The following DPP6 variants were observed in gnomAD, a reference collection of about 807,000 sequenced individuals.
DPP6 encodes dipeptidyl peptidase like 6.
In DPP6, 69 loss-of-function variants were observed where a neutral mutation model predicts 122.6. That is an observed-to-expected ratio of 0.56 (90% confidence interval 0.46 to 0.69). The LOEUF is 0.69. Ranked by LOEUF, DPP6 falls within the 30% of genes least tolerant of loss-of-function variation. DPP6 has a pLI of 0.00. For missense variants in DPP6, 928 were observed against 1,116.9 expected (o/e 0.83, Z 2.41); for synonymous variants, 418 against 433.1 (o/e 0.97, Z 0.43).
intron 16 of DPP6, among the ~76,000 whole-genome samples, chr7:154,810,719 C>T (rs1799005770): frequency 6.6e-6 from 1 of 151,878 alleles, no homozygotes; most frequent in African/African-American, 2.4e-5. Flanking sequence ...TGACCCGGAC[C>T]CCAGGTACAG....
chr7:154,187,673 A>G (rs1798415734), intron 1 of DPP6, among the ~76,000 whole-genome samples: 1 of 152,216 alleles, frequency 6.6e-6, no homozygotes, highest in African/African-American at 2.4e-5. Context: ...AACAGGATGT[A>G]AGAAATCCTG....
At chr7:153,817,549 C>T in the DPP6 span, among the ~76,000 whole-genome samples, 15 of 151,872 alleles carry the variant, frequency 9.9e-5, no homozygotes, top group Admixed American at 2.6e-4. Context: ...CATTTAAAAA[C>T]GCTAGTTCAT....
intron 1 of DPP6, among the ~76,000 whole-genome samples, chr7:153,959,753 A>G (rs1040352236): frequency 1.3e-5 from 2 of 152,234 alleles, no homozygotes; most frequent in African/African-American, 4.8e-5. Context: ...CATGTCAGCA[A>G]TAAGGCTGTT....
At chr7:154,339,573 C>G (rs996625985) in intron 1 of DPP6, among the ~76,000 whole-genome samples, 8 of 152,178 alleles carry the variant, frequency 5.3e-5, no homozygotes, top group Admixed American at 5.2e-4. Context: ...ATTTGCCTAG[C>G]AATTCATAGG....
At chr7:153,808,361 ATGCCTGTATGTG>A in the DPP6 span, among the ~76,000 whole-genome samples, 2 of 144,376 alleles carry the variant, frequency 1.4e-5, no homozygotes, top group Admixed American at 1.4e-4. Context: ...GTGTGTGGGC[ATGCCTGTATGTG>A]TGCCTGTGTG....
In DPP6 at chr7:154,892,560, C is replaced by T; in HGVS notation, c.*80C>T. 1 of 1,556,738 alleles carries T rather than the reference C, an allele frequency of 6.4e-7. No individual in the cohort carries two copies. Among genetic ancestry groups the T allele is most frequent in the African/African-American group, 1.4e-5 (1 of 73,924 alleles). On this transcript the variant is annotated 3_prime_UTR_variant, in exon 26 of 26. Transcript: ENST00000377770. ...GGGATTTCCCTGCCCTCCCTCTTCC[C>T]TCGGAGGGGCGGGGCGGGGCGGGGC...
chr7:154,234,083 G>T (rs11981705), intron 1 of DPP6, among the ~76,000 whole-genome samples: 7,254 of 152,256 alleles, frequency 0.048, 573 homozygotes, highest in African/African-American at 0.16. Flanking sequence ...GTGGCTAGAA[G>T]ATGCCAAGTA....
chr7:154,866,600 C>T (rs563119776), intron 17 of DPP6, among the ~76,000 whole-genome samples: 1 of 152,348 alleles, frequency 6.6e-6, no homozygotes, highest in East Asian at 1.9e-4. Context: ...TGCTGGGACA[C>T]GTGTCCTGCA....
chr7:154,803,820 G>A (rs544406727), intron 13 of DPP6, 44 bp from the exon 14 acceptor site: 25 of 1,592,060 alleles, frequency 1.6e-5, no homozygotes, highest in East Asian at 2.3e-5. Context: ...TGCTGGGGCC[G>A]GGACACCGGT....
chr7:154,587,308 G>A (rs1832519298), intron 5 of DPP6: 1 of 322,112 alleles, frequency 3.1e-6, no homozygotes, highest in Admixed American at 4.6e-5. Context: ...AGCTAAATTG[G>A]GTGATCTGCC....
At chr7:154,358,808 C>A (rs1407534923) in intron 1 of DPP6, among the ~76,000 whole-genome samples, 1 of 152,146 alleles carries the variant, frequency 6.6e-6, no homozygotes, top group Non-Finnish European at 1.5e-5. Context: ...CAGGTTCAAG[C>A]AATTCTCCTG....
intron 1 of DPP6, among the ~76,000 whole-genome samples, chr7:154,211,976 C>A (rs1206157065): frequency 2.6e-5 from 2 of 77,120 alleles, no homozygotes; most frequent in Non-Finnish European, 8.4e-5. Flanking sequence ...GTCACAGCGC[C>A]CTGCCCCTTC....
chr7:154,552,681 G>A (rs1829722021), intron 4 of DPP6, among the ~76,000 whole-genome samples: 1 of 152,204 alleles, frequency 6.6e-6, no homozygotes, highest in African/African-American at 2.4e-5. Context: ...ATCAGCCCAG[G>A]AAGACACATC....
rs545105397 is a variant in DPP6 at position 154,284,853 on chromosome 7, TCAAAA to T, written c.244-161340_244-161336del. Among the ~76,000 whole-genome samples the T allele has an allele frequency of 5.1e-4, 78 of 152,230 alleles. No homozygotes were observed. In the South Asian group the frequency reaches 9.3e-3, roughly 18 times the overall value. ...CTGGGTGACAGAGCGAGACTTCATCTCAAAACAAAACAAAACAAAACAAAAACATT... is the reference window on the plus strand; with the variant it reads ...CTGGGTGACAGAGCGAGACTTCATCTCAAAACAAAACAAAACAAAAACATT... On this transcript the variant is annotated intron_variant, in intron 1 of 25. Transcript: ENST00000377770.
chr7:154,307,548 C>T (rs946203753), intron 1 of DPP6, among the ~76,000 whole-genome samples: 6 of 151,528 alleles, frequency 4.0e-5, no homozygotes, highest in Admixed American at 1.3e-4. Flanking sequence ...CCAGATGGGA[C>T]AGGGGGTGAA....
At chr7:154,170,588 A>G (rs1055074242) in intron 1 of DPP6, among the ~76,000 whole-genome samples, 1 of 152,156 alleles carries the variant, frequency 6.6e-6, no homozygotes, top group Non-Finnish European at 1.5e-5. Context: ...ACAATTTATT[A>G]TCCTCCGAAT....
At chr7:153,950,428 T>C (rs758655366) in intron 1 of DPP6, among the ~76,000 whole-genome samples, 1 of 151,580 alleles carries the variant, frequency 6.6e-6, no homozygotes, top group Non-Finnish European at 1.5e-5. Context: ...GCGCCGGGAG[T>C]TTGTAGGTGA....
intron 7 of DPP6, among the ~76,000 whole-genome samples, chr7:154,725,631 G>T (rs1302678742): frequency 1.3e-5 from 2 of 152,084 alleles, no homozygotes; most frequent in African/African-American, 4.8e-5. Context: ...TGAGATTTGG[G>T]TGGGGTCACA....
At chr7:154,787,831 C>T (rs1304953714) in intron 10 of DPP6, among the ~76,000 whole-genome samples, 3 of 152,168 alleles carry the variant, frequency 2.0e-5, no homozygotes, top group Admixed American at 6.5e-5. Flanking sequence ...TGTCTTTTCT[C>T]TTATTCCAGA....
Sources: gnomAD v4.1 joint callset for allele counts (sites outside exome capture counted in the v4.1 genomes callset) on GRCh38, gnomAD v4.1.1 for gene constraint, MANE v1.5 for transcripts, NCBI Gene and HGNC (gene_info 2026-07-23, HGNC 2026-07-21) for gene names.